NCAPH: variants seen among roughly 807,000 people sequenced by gnomAD.
The protein encoded by NCAPH is condensin complex subunit 2.
NCAPH carries 38 observed loss-of-function variants against 85.5 expected under a neutral mutation model. The observed-to-expected ratio is 0.44, with a 90% CI of 0.34 to 0.58. The LOEUF (loss-of-function observed/expected upper bound fraction) is 0.58. NCAPH is among the 20% of genes least tolerant of loss of function. NCAPH has a pLI of 0.01. For missense variants in NCAPH, 789 were observed against 916.6 expected, an observed-to-expected ratio of 0.86 and a Z score of 1.80; for synonymous variants, 301 against 335.1, an observed-to-expected ratio of 0.90 and a Z score of 1.11.
chr2:96,373,259 C>T, intron 17 of NCAPH, 33 bp from the exon 18 acceptor site: 1 of 1,577,852 alleles, frequency 6.3e-7, no homozygotes, highest in Non-Finnish European at 8.7e-7. Flanking sequence ...TCTCCGTATA[C>T]CAAAGTCCAT....
chr2:96,352,031 G>T lies in NCAPH; in HGVS notation c.910+11G>T, dbSNP rs377328476. On this transcript the variant is annotated intron_variant, in intron 7 of 17. Transcript: ENST00000240423. ...TGACAGATTTAAAAGGTAAGTACAAGTGATGCCTTTCACCAGAGCATTTCA... is the reference window on the plus strand; with the variant it reads ...TGACAGATTTAAAAGGTAAGTACAATTGATGCCTTTCACCAGAGCATTTCA... 6.3e-6 allele frequency: 10 copies of T among 1,599,730 alleles called. No individual in the cohort carries two copies. The highest frequency in any genetic ancestry group is 7.7e-6 in the Non-Finnish European group (9 of 1,172,156).
chr2:96,363,042 T>C (rs1343766997), intron 12 of NCAPH, among the ~76,000 whole-genome samples: 2 of 152,184 alleles, frequency 1.3e-5, no homozygotes, highest in Non-Finnish European at 2.9e-5. Context: ...TTCATTGTTG[T>C]CTTATTTTAA....
chr2:96,359,450 C>A, intron 10 of NCAPH: 1 of 475,836 alleles, frequency 2.1e-6, no homozygotes, highest in Non-Finnish European at 3.8e-6. Flanking sequence ...TCACACTGCT[C>A]CCTAGTATCC....
chr2:96,342,219 A>G (rs756512591), intron 3 of NCAPH, 79 bp downstream of exon 3: 37 of 1,240,178 alleles, frequency 3.0e-5, no homozygotes, highest in Non-Finnish European at 4.4e-5. Context: ...TTCTGTAGAT[A>G]ATGCACAATC....
intron 6 of NCAPH, among the ~76,000 whole-genome samples, chr2:96,348,329 A>G (rs1179782005): frequency 6.6e-6 from 1 of 151,266 alleles, no homozygotes; most frequent in Non-Finnish European, 1.5e-5. Flanking sequence ...AGCTGGGACT[A>G]CAGGCACCCG....
At chr2:96,361,828 AT>A (rs67427447) in intron 12 of NCAPH, among the ~76,000 whole-genome samples, 1,708 of 107,928 alleles carry the variant, frequency 0.016, 27 homozygotes, top group South Asian at 0.054. Flanking sequence ...ATATATATAT[AT>A]TTTTTTTTTT....
chr2:96,377,034 A>G lies in NCAPH; in HGVS notation c.*3683A>G, dbSNP rs2064839697. Among the ~76,000 whole-genome samples, 1 of 151,660 alleles carries G rather than the reference A, an allele frequency of 6.6e-6. No homozygotes were observed. The highest frequency in any genetic ancestry group is 2.4e-5 in the African/African-American group (1 of 41,234). On this transcript the variant is annotated 3_prime_UTR_variant, in exon 18 of 18. Transcript: ENST00000240423. ...AATATCTCATGTACCCCATAAATAT[A>G]TGCACCTACTATGTACCCACAACTA...
In NCAPH at chr2:96,344,213, C is replaced by A. The variant is rs1339023766; in HGVS notation, c.704C>A (p.Ala235Glu). ...QNINNLNVSE[A>E]DRKCEIDPMF... ...ATAAACAACCTCAATGTCTCCGAAGCAGATCGGAAGTGTGAGGTGAGGAAC... is the reference window on the plus strand; with the variant it reads ...ATAAACAACCTCAATGTCTCCGAAGAAGATCGGAAGTGTGAGGTGAGGAAC... The change falls in exon 6 of 18, where the codon GCA becomes GAA. Residue 235 changes from alanine (A) to glutamate (E), a missense_variant. Coordinates refer to ENST00000240423, the MANE Select transcript of NCAPH (RefSeq NM_015341.5). 1.2e-6 allele frequency: 2 copies of A among 1,610,834 alleles called. No homozygotes were observed. The highest frequency in any genetic ancestry group is 1.7e-6 in the Non-Finnish European group (2 of 1,178,996).
chr2:96,354,484 T>A, intron 9 of NCAPH, 96 bp downstream of exon 9: 1 of 1,095,626 alleles, frequency 9.1e-7, no homozygotes, highest in South Asian at 2.4e-5. Context: ...TTTTCTTTCT[T>A]TTTTTTTCCC....
At position 96,338,270 on chromosome 2, in the gene NCAPH, A is replaced by G. The variant is rs1333199707; in HGVS notation, c.19+2422A>G. Among the ~76,000 whole-genome samples, 4 of 147,946 alleles carry G rather than the reference A, an allele frequency of 2.7e-5. No homozygotes were observed. The South Asian group carries it at 8.5e-4, about 31-fold the overall frequency. ...AAAAAAAAAAAAAAAAAAAGCAAACAAAAAGGAACATCCCCAAGTCTGCCA... is the reference window on the plus strand; with the variant it reads ...AAAAAAAAAAAAAAAAAAAGCAAACGAAAAGGAACATCCCCAAGTCTGCCA... On this transcript the variant is annotated intron_variant, in intron 1 of 17. Coordinates refer to ENST00000240423, the MANE Select transcript of NCAPH (RefSeq NM_015341.5).
At chr2:96,362,587 AGT>A (rs111732868) in intron 12 of NCAPH, among the ~76,000 whole-genome samples, 47,376 of 151,802 alleles carry the variant, frequency 0.31, 7,876 homozygotes, top group South Asian at 0.69. Flanking sequence ...CTGAGATTAC[AGT>A]ACACTGCACT....
chr2:96,368,821 C>A (rs1479446137), intron 15 of NCAPH, 151 bp from the exon 16 acceptor site: 3 of 636,378 alleles, frequency 4.7e-6, no homozygotes, highest in South Asian at 3.9e-5. Context: ...GGCACTGGTT[C>A]TCTTTGTAGA....
chr2:96,362,475 C>G (rs953797372), intron 12 of NCAPH, among the ~76,000 whole-genome samples: 2 of 152,124 alleles, frequency 1.3e-5, no homozygotes, highest in Non-Finnish European at 2.9e-5. Flanking sequence ...ACTAAAAATA[C>G]AAAAATTAGC....
intron 14 of NCAPH, among the ~76,000 whole-genome samples, chr2:96,367,010 C>T (rs541508441): frequency 3.3e-5 from 5 of 152,086 alleles, no homozygotes; most frequent in South Asian, 4.2e-4. Context: ...GCTGGAGAAT[C>T]GCTTGAACCC....
At position 96,343,189 on chromosome 2, in the gene NCAPH, C is replaced by G. The variant is rs369132555; in HGVS notation, c.480C>G (p.Ala160=). The G allele has an allele frequency of 1.9e-5, 30 of 1,613,948 alleles. No individual in the cohort carries two copies. The African/African-American group carries it at 3.6e-4, about 19-fold the overall frequency. Residue 160 remains alanine, a synonymous_variant, in exon 5 of 18, where the codon GCC becomes GCG. Transcript: ENST00000240423. ...NFKVAAGTLD[A]STKIYAVRVD... ...AGGTGGCTGCGGGTACTCTGGATGCCAGCACCAAGATCTATGCTGTGCGCG... is the reference window on the plus strand; with the variant it reads ...AGGTGGCTGCGGGTACTCTGGATGCGAGCACCAAGATCTATGCTGTGCGCG...
At chr2:96,354,728 A>G (rs2064499884) in intron 9 of NCAPH, among the ~76,000 whole-genome samples, 1 of 152,122 alleles carries the variant, frequency 6.6e-6, no homozygotes, top group Admixed American at 6.5e-5. Flanking sequence ...TTTTCAGCTG[A>G]GCCTTTCTGA....
intron 6 of NCAPH, among the ~76,000 whole-genome samples, chr2:96,350,900 T>C (rs1256022833): frequency 6.6e-6 from 1 of 152,214 alleles, no homozygotes; most frequent in Non-Finnish European, 1.5e-5. Flanking sequence ...CCCAGGGGGC[T>C]TCTAGCCTCT....
intron 8 of NCAPH, 84 bp downstream of exon 8, chr2:96,353,481 C>T: frequency 1.7e-6 from 2 of 1,193,688 alleles, no homozygotes; most frequent in Non-Finnish European, 2.5e-6. Flanking sequence ...ACTGTGGCAT[C>T]ATCTTTATTT....
At chr2:96,349,532 C>T (rs1343558706) in intron 6 of NCAPH, among the ~76,000 whole-genome samples, 2 of 152,092 alleles carry the variant, frequency 1.3e-5, no homozygotes, top group East Asian at 3.9e-4. Flanking sequence ...CAGACGTGCA[C>T]CACCATGCCT....
Sources: gnomAD v4.1 joint callset for allele counts (sites outside exome capture counted in the v4.1 genomes callset) on GRCh38, gnomAD v4.1.1 for gene constraint, MANE v1.5 for transcripts, NCBI Gene and HGNC (gene_info 2026-07-23, HGNC 2026-07-21) for gene names.